ZNF264: variants seen among roughly 807,000 people sequenced by gnomAD.
ZNF264 encodes the protein zinc finger protein 264.
In ZNF264, 11 loss-of-function variants were observed where a neutral mutation model predicts 11.2. The observed-to-expected ratio is 0.98, with a 90% CI of 0.62 to 1.63. The LOEUF (loss-of-function observed/expected upper bound fraction) is 1.63. Ranked by LOEUF, ZNF264 falls within the 40% of genes most tolerant of loss-of-function variation. ZNF264 has a pLI of 0.00. For synonymous variants in ZNF264, 309 were observed against 279.8 expected (o/e 1.10, Z -1.04); for missense variants, 752 against 768.1 (o/e 0.98, Z 0.25).
At chr19:57,201,674 G>T (rs572616866) in intron 2 of ZNF264, among the ~76,000 whole-genome samples, 2 of 152,036 alleles carry the variant, frequency 1.3e-5, no homozygotes, top group Admixed American at 1.3e-4. Flanking sequence ...CTGCCCTTGC[G>T]TATCTAGACT....
chr19:57,191,902 G>C lies in ZNF264; in HGVS notation c.-12G>C, dbSNP rs367979191. The C allele has an allele frequency of 1.3e-5, 19 of 1,496,654 alleles. No homozygotes were observed. The African/African-American group carries it at 2.4e-4, about 19-fold the overall frequency. 92.7% of individuals were successfully genotyped at this position (1,496,654 alleles called of 1,614,324 possible). ...TCCTCTGTCCCAGCTCTGCGGCCCA[G>C]GGGGTGACGTGATGGCGGCAGCGGT... On this transcript the variant is annotated 5_prime_UTR_variant, in exon 1 of 4. Transcript: ENST00000263095.
At position 57,211,724 on chromosome 19, in the gene ZNF264, A is replaced by G; in HGVS notation, c.627A>G (p.Gly209=). The G allele has an allele frequency of 4.3e-6, 7 of 1,614,152 alleles. No individual in the cohort carries two copies. Among genetic ancestry groups the G allele is most frequent in the Non-Finnish European group, 5.9e-6 (7 of 1,180,002 alleles). Residue 209 remains glycine, a synonymous_variant, in exon 4 of 4, where the codon GGA becomes GGG. Transcript: ENST00000263095. ...ATAACTTTAAATGCAGTGAATGTGG[A>G]AAAGTATTTAACAAGAAACACCTCC... The part of the protein sequence containing the change: ...EENNFKCSEC[G]KVFNKKHLLA...
intron 2 of ZNF264, among the ~76,000 whole-genome samples, chr19:57,200,566 T>TTG (rs773109435): frequency 0.16 from 16,041 of 101,922 alleles, 1,584 homozygotes; most frequent in African/African-American, 0.36. Context: ...GTGTCTTGTC[T>TTG]TGTCTTGTCT....
chr19:57,200,648 T>C lies in ZNF264; in HGVS notation c.161-4749T>C, dbSNP rs1241960076. ...CTTTTCTTTTCTTTTTCTGTCTTGC[T>C]GTCTTGCCCAGGTTGGAATACAGTG... is the stretch of plus-strand genomic sequence containing the variant. On this transcript the variant is annotated intron_variant, in intron 2 of 3. Transcript: ENST00000263095. Among the ~76,000 whole-genome samples the C allele has an allele frequency of 3.3e-5, 5 of 151,974 alleles. No homozygotes were observed. In the South Asian group the frequency reaches 1.0e-3, roughly 31 times the overall value.
In ZNF264 at chr19:57,219,725, C is replaced by T. The variant is rs1019157354; in HGVS notation, c.*6744C>T. 41 of 152,248 alleles carry T rather than the reference C, an allele frequency of 2.7e-4. No individual in the cohort carries two copies. Among genetic ancestry groups the T allele is most frequent in the African/African-American group, 2.4e-5 (1 of 41,464 alleles). The allele number at this position is 152,248 out of a possible 1,614,324, so 9.4% of individuals were successfully genotyped here. ...ATTGCTTTTTCACTTGCCATGAGCT[C>T]TGTGAATGAGATGGTTCCTGCTGAA... is the stretch of plus-strand genomic sequence containing the variant. On this transcript the variant is annotated 3_prime_UTR_variant, in exon 4 of 4. Coordinates refer to ENST00000263095, the MANE Select transcript of ZNF264 (RefSeq NM_003417.5).
chr19:57,198,173 G>C (rs2087226074), intron 2 of ZNF264, among the ~76,000 whole-genome samples: 1 of 152,008 alleles, frequency 6.6e-6, no homozygotes, highest in African/African-American at 2.4e-5. Context: ...CTGCATACCA[G>C]GTACCAGGAG....
intron 3 of ZNF264, among the ~76,000 whole-genome samples, chr19:57,210,196 T>C (rs1365377542): frequency 1.3e-5 from 2 of 152,142 alleles, no homozygotes; most frequent in Non-Finnish European, 2.9e-5. Flanking sequence ...GCTTTCTCTT[T>C]ATGGCAACTC....
In ZNF264 at chr19:57,193,759, G is replaced by A. The variant is rs546011954; in HGVS notation, c.34-116G>A. The A allele has an allele frequency of 3.5e-6, 5 of 1,438,566 alleles. No individual in the cohort carries two copies. In the East Asian group the frequency reaches 9.4e-5, roughly 27 times the overall value. The allele number at this position is 1,438,566 out of a possible 1,614,324, so 89.1% of individuals were successfully genotyped here. A position where few individuals can be genotyped will look rare whatever the true frequency, so the allele number is the denominator to read the frequency against. On this transcript the variant is annotated intron_variant, in intron 1 of 3. Transcript: ENST00000263095. The stretch of plus-strand genomic sequence containing the variant: ...AGCCCAGCACAGAGCTAGGCCCTCA[G>A]GAGGTGCTCTGTGATTCAGGCCGCC...
At chr19:57,205,797 G>A (rs1476105319) in intron 3 of ZNF264, among the ~76,000 whole-genome samples, 2 of 152,196 alleles carry the variant, frequency 1.3e-5, no homozygotes, top group African/African-American at 4.8e-5. Flanking sequence ...CACCTGCTGT[G>A]TGGCCCTGAT....
intron 2 of ZNF264, among the ~76,000 whole-genome samples, chr19:57,200,998 G>C (rs1047669700): frequency 6.6e-6 from 1 of 151,764 alleles, no homozygotes; most frequent in Non-Finnish European, 1.5e-5. Context: ...ATAAACATTA[G>C]TATATAAATG....
chr19:57,208,867 A>G (rs1452927975), intron 3 of ZNF264, among the ~76,000 whole-genome samples: 3 of 152,162 alleles, frequency 2.0e-5, no homozygotes, highest in Admixed American at 6.5e-5. Context: ...TTGCTCATCA[A>G]ATGGACACAG....
Position 57,217,407 on chromosome 19 carries a change from A to G in ZNF264, c.*4426A>G, listed in dbSNP as rs1372653249. On this transcript the variant is annotated 3_prime_UTR_variant, in exon 4 of 4. Transcript: ENST00000263095. ...CTTCAAAAATTGAGCGCTATGTTGC[A>G]AGATGTAATTTTTCTTTTCCTTTTT... The G allele has an allele frequency of 6.6e-6, 1 of 152,120 alleles. No homozygotes were observed. Among genetic ancestry groups the G allele is most frequent in the Non-Finnish European group, 1.5e-5 (1 of 68,014 alleles). 9.4% of individuals were successfully genotyped at this position (152,120 alleles called of 1,614,324 possible).
In ZNF264 at chr19:57,220,259, C is replaced by A. The variant is rs893476787; in HGVS notation, c.*7278C>A. The A allele has an allele frequency of 6.6e-6, 1 of 152,150 alleles. No individual in the cohort carries two copies. The highest frequency in any genetic ancestry group is 1.5e-5 in the Non-Finnish European group (1 of 68,038). The allele number at this position is 152,150 out of a possible 1,614,324, so 9.4% of individuals were successfully genotyped here. On this transcript the variant is annotated 3_prime_UTR_variant, in exon 4 of 4. Coordinates refer to ENST00000263095, the MANE Select transcript of ZNF264 (RefSeq NM_003417.5). ...AATGCTATAATCTGTTACTCTCATTCGACAATACATCTTGACTGTTTCTTC... is the reference window on the plus strand; with the variant it reads ...AATGCTATAATCTGTTACTCTCATTAGACAATACATCTTGACTGTTTCTTC...
rs1282128873 is a variant in ZNF264 at position 57,212,494 on chromosome 19, A to G, written c.1397A>G (p.Asn466Ser). ...AAAGAGTGTGGGAAAGCCTTTAGCA[A>G]TCGGAAGGACCTCATTCGCCACTTC... ...ECKECGKAFS[N>S]RKDLIRHFSI... The change falls in exon 4 of 4, where the codon AAT (asparagine) becomes AGT (serine). Residue 466 changes from asparagine to serine, a missense_variant. Physicochemically the swap from Asn to Ser is conservative, Grantham distance 46 (BLOSUM62 1). Transcript: ENST00000263095. 2.5e-6 allele frequency: 4 copies of G among 1,613,818 alleles called. No homozygotes were observed. Among genetic ancestry groups the G allele is most frequent in the Admixed American group, 1.7e-5 (1 of 59,972 alleles).
At chr19:57,195,893 G>A (rs1010650056) in intron 2 of ZNF264, among the ~76,000 whole-genome samples, 11 of 151,768 alleles carry the variant, frequency 7.2e-5, no homozygotes, top group South Asian at 2.1e-4. Context: ...ATGTAATGTC[G>A]CGGGAATAGG....
rs527472610 is a variant in ZNF264, at chr19:57,218,978, A to G, written c.*5997A>G. The G allele has an allele frequency of 1.3e-5, 2 of 152,314 alleles. No homozygotes were observed. The highest frequency in any genetic ancestry group is 1.9e-4 in the East Asian group (1 of 5,188). 9.4% of individuals were successfully genotyped at this position (152,314 alleles called of 1,614,324 possible). A position where few individuals can be genotyped will look rare whatever the true frequency, so the allele number is the denominator to read the frequency against. On this transcript the variant is annotated 3_prime_UTR_variant, in exon 4 of 4. Transcript: ENST00000263095. ...CTATCTGGGGGAATAGAAAGCCCAC[A>G]GTCTTCTGAGTTGTGCTACACCAAT... is the stretch of plus-strand genomic sequence containing the variant.
chr19:57,211,258 A>G (rs1295483438), intron 3 of ZNF264, 96 bp from the exon 4 acceptor site: 9 of 1,242,370 alleles, frequency 7.2e-6, no homozygotes, highest in South Asian at 1.6e-5. Flanking sequence ...CACAGAGGCA[A>G]TATTTTTATC....
At position 57,222,301 on chromosome 19, in the gene ZNF264, CAT is replaced by C. The variant is rs2087422905; in HGVS notation, c.*9321_*9322del. ...GGCAGAGGTTGCAGTGAGCCGAGATCATGCCACTGCACTCCAGCCTGGGTGAC... is the reference window on the plus strand; with the variant it reads ...GGCAGAGGTTGCAGTGAGCCGAGATCGCCACTGCACTCCAGCCTGGGTGAC... On this transcript the variant is annotated 3_prime_UTR_variant, in exon 4 of 4. Coordinates refer to ENST00000263095, the MANE Select transcript of ZNF264 (RefSeq NM_003417.5). 7.1e-6 allele frequency: 1 copy of C among 139,946 alleles called. No individual in the cohort carries two copies. The highest frequency in any genetic ancestry group is 1.5e-5 in the Non-Finnish European group (1 of 66,366). The allele number at this position is 139,946 out of a possible 1,614,324, so 8.7% of individuals were successfully genotyped here.
chr19:57,201,242 C>T (rs1321289216), intron 2 of ZNF264, among the ~76,000 whole-genome samples: 1 of 148,184 alleles, frequency 6.7e-6, no homozygotes, highest in African/African-American at 2.6e-5. Flanking sequence ...TTCGTTATTT[C>T]TCTCTTTGTG....
Sources: allele counts gnomAD v4.1 joint callset (sites outside exome capture counted in the v4.1 genomes callset), GRCh38; gene constraint gnomAD v4.1.1; transcripts MANE v1.5; gene names NCBI Gene and HGNC (gene_info 2026-07-23, HGNC 2026-07-21).